The following VAV3 variants were observed in gnomAD, a reference collection of about 807,000 sequenced individuals.
The protein encoded by VAV3 is vav guanine nucleotide exchange factor 3, also known as guanine nucleotide exchange factor VAV3.
VAV3 carries 94 observed loss-of-function variants against 131.2 expected under a neutral mutation model. The observed-to-expected ratio is 0.72, with a 90% CI of 0.61 to 0.85. VAV3 has a LOEUF of 0.85. Among genes scored for constraint, VAV3 ranks in the 40% least tolerant of loss-of-function variants. The pLI, the probability that VAV3 is intolerant of heterozygous loss-of-function variation, is 0.00. For synonymous variants in VAV3, 349 were observed against 342.0 expected, an observed-to-expected ratio of 1.02 and a Z score of -0.22; for missense variants, 939 against 1,002.7, an observed-to-expected ratio of 0.94 and a Z score of 0.86.
intron 20 of VAV3, among the ~76,000 whole-genome samples, chr1:107,628,582 G>A (rs75156214): frequency 0.14 from 20,833 of 152,130 alleles, 1,516 homozygotes; most frequent in Non-Finnish European, 0.16. Flanking sequence ...TATTTTCTGT[G>A]TGACTCTTCC....
intron 19 of VAV3, among the ~76,000 whole-genome samples, chr1:107,650,950 T>C (rs7516959): frequency 0.17 from 26,083 of 151,498 alleles, 2,431 homozygotes; most frequent in Middle Eastern, 0.25. Context: ...TGGAATACTA[T>C]GCAGCCATAA....
intron 1 of VAV3, among the ~76,000 whole-genome samples, chr1:107,951,849 G>T (rs1235763838): frequency 6.6e-6 from 1 of 151,456 alleles, no homozygotes; most frequent in Non-Finnish European, 1.5e-5. Context: ...TGGAGAAAAA[G>T]AAACACTTAT....
chr1:107,755,381 T>C (rs1009663683), intron 12 of VAV3, 46 bp downstream of exon 12: 1 of 1,351,854 alleles, frequency 7.4e-7, no homozygotes. Context: ...TAGAATGTCG[T>C]TGATGTGGGG....
intron 22 of VAV3, chr1:107,609,561 A>C (rs924602385): frequency 1.9e-5 from 3 of 160,754 alleles, no homozygotes; most frequent in Non-Finnish European, 4.1e-5. Context: ...AAAAAAAAAA[A>C]CTACTACTGT....
At chr1:107,591,491 T>C (rs1217774565) in intron 25 of VAV3, among the ~76,000 whole-genome samples, 1 of 152,190 alleles carries the variant, frequency 6.6e-6, no homozygotes, top group African/African-American at 2.4e-5. Flanking sequence ...AAGGAACGGA[T>C]GGCTTCAAAT....
At position 107,964,688 on chromosome 1, in the gene VAV3, T is replaced by C. The variant is rs1388730850; in HGVS notation, c.182A>G (p.Asn61Ser). 3.7e-6 allele frequency: 6 copies of C among 1,613,556 alleles called. No individual in the cohort carries two copies. The highest frequency in any genetic ancestry group is 4.2e-6 in the Non-Finnish European group (5 of 1,179,790). Residue 61 changes from asparagine (N) to serine (S), a missense_variant, in exon 1 of 27, where the codon AAC becomes AGC. Physicochemically the swap from Asn to Ser is conservative, Grantham distance 46 (BLOSUM62 1). Coordinates refer to ENST00000370056, the MANE Select transcript of VAV3 (RefSeq NM_006113.5). ...CACCTGGGACATCTGCGGCCTCAGG[T>C]TGATCTCCTTCAGGTTGATGGAGTG... is the stretch of plus-strand genomic sequence containing the variant. ...RAHSINLKEI[N>S]LRPQMSQFLC...
At chr1:107,724,380 G>A (rs1047411278) in intron 15 of VAV3, among the ~76,000 whole-genome samples, 1 of 151,518 alleles carries the variant, frequency 6.6e-6, no homozygotes, top group African/African-American at 2.4e-5. Context: ...CTTACAATCT[G>A]AAAGTTGTCT....
intron 25 of VAV3, among the ~76,000 whole-genome samples, chr1:107,595,510 T>A (rs192826180): frequency 6.6e-6 from 1 of 152,274 alleles, no homozygotes; most frequent in Admixed American, 6.5e-5. Flanking sequence ...TAAAGTGATA[T>A]CAGATTAAGA....
chr1:107,615,002 C>T (rs1280639597), intron 21 of VAV3, among the ~76,000 whole-genome samples: 2 of 152,092 alleles, frequency 1.3e-5, no homozygotes, highest in Non-Finnish European at 2.9e-5. Context: ...GAATCTTGTT[C>T]ATACAAAGTC....
intron 1 of VAV3, among the ~76,000 whole-genome samples, chr1:107,886,614 T>C (rs1297883826): frequency 2.0e-5 from 3 of 152,232 alleles, no homozygotes; most frequent in Non-Finnish European, 4.4e-5. Context: ...TGGATAGGTT[T>C]TGTATAGTGG....
intron 2 of VAV3, among the ~76,000 whole-genome samples, chr1:107,809,080 G>A (rs756029251): frequency 2.6e-5 from 4 of 152,150 alleles, no homozygotes; most frequent in Admixed American, 6.5e-5. Flanking sequence ...CAGATCATGC[G>A]TCTGCTCCTT....
intron 1 of VAV3, among the ~76,000 whole-genome samples, chr1:107,916,087 A>G (rs1055287126): frequency 6.6e-6 from 1 of 152,216 alleles, no homozygotes; most frequent in Non-Finnish European, 1.5e-5. Flanking sequence ...CACAGTAACA[A>G]AAACTATTAA....
In VAV3 at chr1:107,765,176, C is replaced by A. The variant is rs1664671832; in HGVS notation, c.822-1G>T. 6.2e-7 allele frequency: 1 copy of A among 1,609,592 alleles called. No homozygotes were observed. The highest frequency in any genetic ancestry group is 1.3e-5 in the African/African-American group (1 of 74,660). ...GCAGTACTGCCCGTAAATAACCAAT[C>A]TGAAAGGGAAAAAAGACAAGAAATC... On this transcript the variant is annotated splice_acceptor_variant, in intron 8 of 26. Transcript: ENST00000370056. LOFTEE classifies it high-confidence loss of function.
rs910539943 is a variant in VAV3, at chr1:107,755,329, A to G, written c.1173+98T>C. On this transcript the variant is annotated intron_variant, in intron 12 of 26. Transcript: ENST00000370056. ...GGGACTGGCAACAACCTCCAACAGT[A>G]GAAACTTGAAGGTAAACTATGTTTT... is the stretch of plus-strand genomic sequence containing the variant. The G allele has an allele frequency of 3.2e-6, 3 of 928,854 alleles. No homozygotes were observed. In the African/African-American group the frequency reaches 4.9e-5, roughly 15 times the overall value. The allele number at this position is 928,854 out of a possible 1,614,324, so 57.5% of individuals were successfully genotyped here.
chr1:107,757,151 A>G (rs1039987810), intron 11 of VAV3, 110 bp downstream of exon 11: 44 of 579,504 alleles, frequency 7.6e-5, no homozygotes, highest in African/African-American at 4.2e-4. Flanking sequence ...ATATGTGTGT[A>G]TATGTGTGTG....
chr1:107,953,587 C>G (rs1402152979), intron 1 of VAV3, among the ~76,000 whole-genome samples: 1 of 152,132 alleles, frequency 6.6e-6, no homozygotes, highest in East Asian at 1.9e-4. Flanking sequence ...GTATCCGCTG[C>G]TATTGCTATA....
At chr1:107,693,463 C>T (rs1417473386) in intron 17 of VAV3, among the ~76,000 whole-genome samples, 2 of 152,018 alleles carry the variant, frequency 1.3e-5, no homozygotes, top group Admixed American at 6.6e-5. Flanking sequence ...TTCAGAAATG[C>T]ACTGCATTTT....
intron 1 of VAV3, 143 bp from the exon 2 acceptor site, chr1:107,875,160 T>A: frequency 1.4e-6 from 1 of 694,086 alleles, no homozygotes; most frequent in Non-Finnish European, 2.5e-6. Context: ...CATTCAGCAG[T>A]ACTGACCGAG....
At chr1:107,581,193 T>C (rs1002507507) in intron 25 of VAV3, among the ~76,000 whole-genome samples, 1 of 152,224 alleles carries the variant, frequency 6.6e-6, no homozygotes, top group African/African-American at 2.4e-5. Flanking sequence ...GCAAACTGGA[T>C]GCTTCGTTTA....
Sources: gnomAD v4.1 joint callset for allele counts (sites outside exome capture counted in the v4.1 genomes callset) on GRCh38, gnomAD v4.1.1 for gene constraint, MANE v1.5 for transcripts, NCBI Gene and HGNC (gene_info 2026-07-23, HGNC 2026-07-21) for gene names.